CDC5L: variants seen among roughly 807,000 people sequenced by gnomAD.
The protein encoded by CDC5L is cell division cycle 5 like.
In CDC5L, 18 loss-of-function variants were observed where a neutral mutation model predicts 104.1. The observed-to-expected ratio is 0.17, with a 90% CI of 0.12 to 0.26. The LOEUF is 0.26. CDC5L is among the 10% of genes least tolerant of loss of function. The probability of loss-of-function intolerance (pLI) is 1.00; values close to 1 mark genes in which losing one functional copy is unlikely to be tolerated. For synonymous variants in CDC5L, 331 were observed against 322.7 expected (o/e 1.03, Z -0.28); for missense variants, 673 against 956.9 (o/e 0.70, Z 3.91).
intron 14 of CDC5L, among the ~76,000 whole-genome samples, chr6:44,433,923 G>A (rs531894380): frequency 3.0e-4 from 45 of 152,302 alleles, no homozygotes; most frequent in African/African-American, 1.1e-3. Flanking sequence ...GATTTAGTTA[G>A]TAGACAGTTC....
At chr6:44,392,598 A>C (rs1405437843) in intron 2 of CDC5L, 69 bp from the exon 3 acceptor site, 3 of 1,349,824 alleles carry the variant, frequency 2.2e-6, no homozygotes, top group Non-Finnish European at 2.1e-6. Flanking sequence ...AAGTCAGTGT[A>C]TCCATTGTGC....
rs574351128 is a variant in CDC5L at position 44,412,340 on chromosome 6, C to T, written c.1092+3708C>T. On this transcript the variant is annotated intron_variant, in intron 8 of 15. Transcript: ENST00000371477. ...TTTTTTTCAGACAGGGTCTCACTCCCATTACCCAGGCTGGAGTGCAGTGGC... is the reference window on the plus strand; with the variant it reads ...TTTTTTTCAGACAGGGTCTCACTCCTATTACCCAGGCTGGAGTGCAGTGGC... Among the ~76,000 whole-genome samples, 8 of 150,988 alleles carry T rather than the reference C, an allele frequency of 5.3e-5. No homozygotes were observed. In the South Asian group the frequency reaches 1.7e-3, roughly 32 times the overall value.
At chr6:44,405,483 C>CT (rs1401446086) in intron 6 of CDC5L, among the ~76,000 whole-genome samples, 2 of 152,174 alleles carry the variant, frequency 1.3e-5, no homozygotes, top group Admixed American at 1.3e-4. Flanking sequence ...TGCTTTGAGC[C>CT]TGTCTTTAGG....
intron 2 of CDC5L, 131 bp from the exon 3 acceptor site, chr6:44,392,536 A>C: frequency 1.4e-6 from 1 of 732,938 alleles, no homozygotes; most frequent in Non-Finnish European, 2.2e-6. Flanking sequence ...ACCACACAGC[A>C]AATATTCTGT....
At chr6:44,390,247 C>T in intron 1 of CDC5L, 21 bp from the exon 2 acceptor site, 1 of 1,546,514 alleles carries the variant, frequency 6.5e-7, no homozygotes, top group Non-Finnish European at 8.9e-7. Context: ...ACTGAATGTA[C>T]TCTTTGGCAA....
intron 5 of CDC5L, among the ~76,000 whole-genome samples, chr6:44,400,176 C>A (rs569694345): frequency 6.6e-6 from 1 of 152,102 alleles, no homozygotes; most frequent in Non-Finnish European, 1.5e-5. Context: ...TGGCTACTTT[C>A]AAGTTTGTTA....
Position 44,391,096 on chromosome 6 carries a change from T to C in CDC5L, c.149+725T>C, listed in dbSNP as rs1038565628. On this transcript the variant is annotated intron_variant, in intron 2 of 15. Transcript: ENST00000371477. ...TATATATTATATATTAAACATTTAA[T>C]ATGTTATATATTATATATTAAACAT... Among the ~76,000 whole-genome samples, 28 of 135,910 alleles carry C rather than the reference T, an allele frequency of 2.1e-4. 1 individual carries two copies. Among genetic ancestry groups the C allele is most frequent in the Admixed American group, 5.4e-4 (6 of 11,136 alleles). The allele number at this position is 135,910 out of a possible 152,430, so 89.2% of individuals were successfully genotyped here. A position where few individuals can be genotyped will look rare whatever the true frequency, so the allele number is the denominator to read the frequency against.
At chr6:44,433,564 C>T (rs548342) in intron 14 of CDC5L, among the ~76,000 whole-genome samples, 44,034 of 151,942 alleles carry the variant, frequency 0.29, 8,187 homozygotes, top group East Asian at 0.74. Flanking sequence ...GATTTTGTCA[C>T]GTTAGCTGTA....
At chr6:44,403,205 AT>A (rs1561969650) in intron 5 of CDC5L, among the ~76,000 whole-genome samples, 1 of 152,178 alleles carries the variant, frequency 6.6e-6, no homozygotes, top group African/African-American at 2.4e-5. Context: ...ATATGCACAA[AT>A]GGTACTTGTT....
At chr6:44,434,685 A>G (rs1792845033) in intron 14 of CDC5L, among the ~76,000 whole-genome samples, 1 of 152,186 alleles carries the variant, frequency 6.6e-6, no homozygotes, top group Admixed American at 6.5e-5. Flanking sequence ...TCTGAACCTC[A>G]CTGTAACGGA....
At chr6:44,431,575 C>A (rs946133830) in intron 14 of CDC5L, among the ~76,000 whole-genome samples, 2 of 152,086 alleles carry the variant, frequency 1.3e-5, no homozygotes, top group Admixed American at 6.5e-5. Context: ...ACTCTTTTTG[C>A]CGCAAATGGC....
At chr6:44,420,658 A>G (rs1191666678) in intron 9 of CDC5L, among the ~76,000 whole-genome samples, 1 of 152,144 alleles carries the variant, frequency 6.6e-6, no homozygotes, top group East Asian at 1.9e-4. Flanking sequence ...GCGCCTGGCC[A>G]AAATCCAAAC....
rs530908162 is a variant in CDC5L, at chr6:44,443,974, G to T, written c.2092-1681G>T. On this transcript the variant is annotated intron_variant, in intron 14 of 15. Coordinates refer to ENST00000371477, the MANE Select transcript of CDC5L (RefSeq NM_001253.4). ...TCTTCTTAGCCTTGTGTAGCAGAAG[G>T]ATCTCACCAATCCATCCAGCTAGAG... Among the ~76,000 whole-genome samples, 219 of 152,122 alleles carry T rather than the reference G, an allele frequency of 1.4e-3. 6 individuals are homozygous for T. Among genetic ancestry groups the T allele is most frequent in the Admixed American group, 0.013 (192 of 15,278 alleles).
intron 14 of CDC5L, among the ~76,000 whole-genome samples, chr6:44,436,554 G>C (rs1792948359): frequency 6.6e-6 from 1 of 152,132 alleles, no homozygotes; most frequent in Non-Finnish European, 1.5e-5. Flanking sequence ...ATGGTCTTGA[G>C]AAAGTAGCCT....
intron 14 of CDC5L, among the ~76,000 whole-genome samples, chr6:44,435,380 T>TACCA: frequency 6.6e-6 from 1 of 152,022 alleles, no homozygotes; most frequent in Non-Finnish European, 1.5e-5. Context: ...GTGTCAAAAT[T>TACCA]CTTATAAGTG....
intron 8 of CDC5L, among the ~76,000 whole-genome samples, chr6:44,414,657 G>A (rs1791831126): frequency 6.6e-6 from 1 of 151,906 alleles, no homozygotes; most frequent in African/African-American, 2.4e-5. Flanking sequence ...AATTGTAAGA[G>A]TTCTTTGTAT....
At chr6:44,418,386 C>T (rs1284007290) in intron 8 of CDC5L, among the ~76,000 whole-genome samples, 1 of 152,154 alleles carries the variant, frequency 6.6e-6, no homozygotes, top group African/African-American at 2.4e-5. Context: ...TTTCTTAATC[C>T]AGTCTATCAT....
chr6:44,390,394 G>A (rs756562263), intron 2 of CDC5L, 23 bp downstream of exon 2: 5 of 1,411,758 alleles, frequency 3.5e-6, no homozygotes, highest in Admixed American at 1.8e-5. Flanking sequence ...TTAATAAGTG[G>A]AAAACAGAAA....
intron 7 of CDC5L, among the ~76,000 whole-genome samples, chr6:44,407,278 G>A (rs993067094): frequency 2.0e-5 from 3 of 151,378 alleles, no homozygotes; most frequent in South Asian, 2.1e-4. Flanking sequence ...ATTACAGGCT[G>A]TATTCTTTTG....
Sources: gnomAD v4.1 joint callset for allele counts (sites outside exome capture counted in the v4.1 genomes callset) on GRCh38, gnomAD v4.1.1 for gene constraint, MANE v1.5 for transcripts, NCBI Gene and HGNC (gene_info 2026-07-23, HGNC 2026-07-21) for gene names.